GRIK2: variants seen among roughly 807,000 people sequenced by gnomAD.
GRIK2 encodes glutamate receptor ionotropic, kainate 2.
A neutral mutation model predicts 100.3 loss-of-function variants in GRIK2; 32 were observed. The observed-to-expected ratio is 0.32, with a 90% CI of 0.24 to 0.43. The LOEUF (loss-of-function observed/expected upper bound fraction) is 0.43, where lower values mean the gene tolerates loss of function less well. GRIK2 is among the 20% of genes least tolerant of loss of function. GRIK2 has a pLI of 1.00. For synonymous variants in GRIK2, 417 were observed against 389.4 expected, an observed-to-expected ratio of 1.07 and a Z score of -0.83; for missense variants, 843 against 1,114.9, an observed-to-expected ratio of 0.76 and a Z score of 3.47.
At chr6:101,989,571 G>A (rs543956582) in intron 14 of GRIK2, among the ~76,000 whole-genome samples, 6 of 151,542 alleles carry the variant, frequency 4.0e-5, no homozygotes, top group Admixed American at 2.0e-4. Context: ...ATTAGCTTGG[G>A]ATTAGCCATG....
At chr6:101,795,140 T>C (rs1016005868) in intron 7 of GRIK2, among the ~76,000 whole-genome samples, 2 of 152,166 alleles carry the variant, frequency 1.3e-5, no homozygotes, top group Admixed American at 1.3e-4. Context: ...GTGTTGGAAT[T>C]ACAGATGTGA....
intron 11 of GRIK2, among the ~76,000 whole-genome samples, chr6:101,863,478 C>T (rs575697394): frequency 6.6e-6 from 1 of 152,134 alleles, no homozygotes; most frequent in Non-Finnish European, 1.5e-5. Context: ...TCTTCGACAC[C>T]TATAAAACTA....
chr6:101,590,854 ACT>A (rs1184404173), intron 2 of GRIK2, among the ~76,000 whole-genome samples: 2 of 151,852 alleles, frequency 1.3e-5, no homozygotes, highest in African/African-American at 4.8e-5. Context: ...CTAGTTAATA[ACT>A]CTCTTTACAT....
At chr6:101,977,274 T>TGA (rs1793447472) in intron 14 of GRIK2, among the ~76,000 whole-genome samples, 1 of 143,090 alleles carries the variant, frequency 7.0e-6, no homozygotes, top group Non-Finnish European at 1.6e-5. Context: ...TGTTATGTTA[T>TGA]GTTATGAGTC....
At position 101,476,620 on chromosome 6, in the gene GRIK2, C is replaced by A. The variant is rs564416478; in HGVS notation, c.115+77228C>A. Among the ~76,000 whole-genome samples the A allele has an allele frequency of 3.9e-5, 6 of 151,928 alleles. No individual in the cohort carries two copies. The South Asian group carries it at 1.2e-3, about 32-fold the overall frequency. ...GAAAAACTCATTAAAAAGCTTGGCACGTAGAAAGATTTCACTGAATTTTAC... is the reference window on the plus strand; with the variant it reads ...GAAAAACTCATTAAAAAGCTTGGCAAGTAGAAAGATTTCACTGAATTTTAC... On this transcript the variant is annotated intron_variant, in intron 2 of 16. Coordinates refer to ENST00000369134, the MANE Select transcript of GRIK2 (RefSeq NM_021956.5).
chr6:101,784,443 G>T (rs912092249), intron 7 of GRIK2, among the ~76,000 whole-genome samples: 1 of 152,220 alleles, frequency 6.6e-6, no homozygotes, highest in African/African-American at 2.4e-5. Flanking sequence ...AGGAGACTTT[G>T]GACTTGGATT....
chr6:101,785,623 C>T (rs1312005485), intron 7 of GRIK2, among the ~76,000 whole-genome samples: 2 of 151,968 alleles, frequency 1.3e-5, no homozygotes, highest in African/African-American at 4.8e-5. Flanking sequence ...AATCAGTAGA[C>T]TATAAATATA....
chr6:101,739,555 G>A (rs1268992643), intron 7 of GRIK2, among the ~76,000 whole-genome samples: 2 of 152,116 alleles, frequency 1.3e-5, no homozygotes, highest in East Asian at 3.9e-4. Context: ...ATAAGGACTA[G>A]TCTACCTTCT....
chr6:102,036,720 A>T (rs1723045689), intron 15 of GRIK2, among the ~76,000 whole-genome samples: 1 of 151,458 alleles, frequency 6.6e-6, no homozygotes, highest in African/African-American at 2.4e-5. Context: ...CTTCAGAGAC[A>T]TCACTTTTAG....
At chr6:102,005,231 C>G (rs934729417) in intron 14 of GRIK2, among the ~76,000 whole-genome samples, 4 of 151,392 alleles carry the variant, frequency 2.6e-5, no homozygotes, top group Admixed American at 1.3e-4. Context: ...TACACACATA[C>G]AATCATATAA....
At chr6:101,968,289 A>G (rs1792820807) in intron 14 of GRIK2, among the ~76,000 whole-genome samples, 2 of 152,098 alleles carry the variant, frequency 1.3e-5, no homozygotes, top group South Asian at 4.1e-4. Context: ...TAATAGATGC[A>G]AAGCTTTTTA....
intron 14 of GRIK2, among the ~76,000 whole-genome samples, chr6:102,014,584 T>C (rs896851690): frequency 1.3e-5 from 2 of 152,320 alleles, no homozygotes; most frequent in East Asian, 1.9e-4. Context: ...CATTTAGTGC[T>C]ATAAATGTGT....
intron 2 of GRIK2, among the ~76,000 whole-genome samples, chr6:101,551,611 A>C (rs1776510477): frequency 1.3e-5 from 2 of 152,140 alleles, no homozygotes; most frequent in African/African-American, 4.8e-5. Context: ...TGGACTCAGC[A>C]TGTGTCCCGC....
rs200448792 is a variant in GRIK2 at position 101,686,162 on chromosome 6, A to G, written c.778-18A>G. ...ATACTCTGTCCATAATAACAACACA[A>G]TAACATTTGTCTTTCAGGACCTCTT... On this transcript the variant is annotated intron_variant, in intron 6 of 16. Transcript: ENST00000369134. 1.9e-6 allele frequency: 3 copies of G among 1,601,286 alleles called. No homozygotes were observed. The highest frequency in any genetic ancestry group is 1.7e-5 in the Admixed American group (1 of 59,510).
At chr6:101,698,770 A>C (rs1772675788) in intron 7 of GRIK2, among the ~76,000 whole-genome samples, 1 of 152,200 alleles carries the variant, frequency 6.6e-6, no homozygotes, top group South Asian at 2.1e-4. Context: ...AGACAAGTGA[A>C]ACGTAGCCTT....
intron 2 of GRIK2, among the ~76,000 whole-genome samples, chr6:101,547,294 A>G (rs1428527629): frequency 1.4e-5 from 2 of 147,150 alleles, no homozygotes; most frequent in Non-Finnish European, 3.0e-5. Flanking sequence ...TAGTCTGTGC[A>G]TTTTTTATTA....
intron 14 of GRIK2, among the ~76,000 whole-genome samples, chr6:101,947,313 TATTATC>T (rs1791342004): frequency 6.6e-6 from 1 of 152,150 alleles, no homozygotes; most frequent in African/African-American, 2.4e-5. Context: ...ATGAGGGAAA[TATTATC>T]ATTATTTTAT....
At chr6:101,640,137 AAC>A (rs1781218421) in intron 4 of GRIK2, among the ~76,000 whole-genome samples, 3 of 152,212 alleles carry the variant, frequency 2.0e-5, no homozygotes. Context: ...TTTAATTCAT[AAC>A]ACAGAATAAA....
chr6:101,889,720 A>T lies in GRIK2; in HGVS notation c.1605A>T (p.Thr535=), dbSNP rs1338758691. 1 of 1,611,844 alleles carries T rather than the reference A, an allele frequency of 6.2e-7. No individual in the cohort carries two copies. Among genetic ancestry groups the T allele is most frequent in the Non-Finnish European group, 8.5e-7 (1 of 1,179,112 alleles). The change falls in exon 12 of 17, where the codon ACA becomes ACT. Residue 535 remains threonine (T), a synonymous_variant. Coordinates refer to ENST00000369134, the MANE Select transcript of GRIK2 (RefSeq NM_021956.5). ...KVIDFSKPFM[T]LGISILYRKP... Reference sequence around the variant, plus strand: ...TCGACTTTTCCAAGCCCTTTATGACACTTGGAATAAGTATTTTGTACCGCA... The same window carrying T: ...TCGACTTTTCCAAGCCCTTTATGACTCTTGGAATAAGTATTTTGTACCGCA...
Sources: allele counts gnomAD v4.1 joint callset (sites outside exome capture counted in the v4.1 genomes callset), GRCh38; gene constraint gnomAD v4.1.1; transcripts MANE v1.5; gene names NCBI Gene and HGNC (gene_info 2026-07-23, HGNC 2026-07-21).